CHST8: variants seen among roughly 807,000 people sequenced by gnomAD.
CHST8 encodes carbohydrate sulfotransferase 8, also known as GALNAC-4-ST1.
In CHST8, 10 loss-of-function variants were observed where a neutral mutation model predicts 15.0. That is an observed-to-expected ratio of 0.67 (90% confidence interval 0.41 to 1.13). CHST8 has a LOEUF of 1.13. CHST8 is among the 50% of genes most tolerant of loss of function. The probability of loss-of-function intolerance (pLI) is 0.00; values close to 1 mark genes in which losing one functional copy is unlikely to be tolerated. For synonymous variants in CHST8, 259 were observed against 256.6 expected, an observed-to-expected ratio of 1.01 and a Z score of -0.09; for missense variants, 634 against 608.2, an observed-to-expected ratio of 1.04 and a Z score of -0.45.
Position 33,731,158 on chromosome 19 carries a change from A to G in CHST8, c.131-40255A>G, listed in dbSNP as rs371738959. The stretch of plus-strand genomic sequence containing the variant: ...CATCCTTCAATCCAATCAAGTTGAC[A>G]CTCAATAGTAATCATCACAGCAAGT... On this transcript the variant is annotated intron_variant, in intron 3 of 4. Coordinates refer to ENST00000650847, the MANE Select transcript of CHST8 (RefSeq NM_001127895.2). 3.9e-4 allele frequency among the ~76,000 whole-genome samples: 59 copies of G among 152,360 alleles called. 1 individual carries two copies. Among genetic ancestry groups the G allele is most frequent in the African/African-American group, 1.4e-3 (57 of 41,584 alleles).
chr19:33,759,569 G>T (rs775147686), intron 3 of CHST8, among the ~76,000 whole-genome samples: 2 of 152,176 alleles, frequency 1.3e-5, no homozygotes, highest in Non-Finnish European at 2.9e-5. Flanking sequence ...GCCACAGGTG[G>T]CTGAATGAGC....
intron 3 of CHST8, among the ~76,000 whole-genome samples, chr19:33,701,177 C>T (rs1018631823): frequency 5.9e-5 from 9 of 152,072 alleles, no homozygotes; most frequent in Non-Finnish European, 1.3e-4. Context: ...CAGTTCAAGC[C>T]TCTCTCACCT....
At position 33,689,288 on chromosome 19, in the gene CHST8, G is replaced by A. The variant is rs62103464; in HGVS notation, c.27G>A (p.Arg9=). 8.3e-3 allele frequency: 13,313 copies of A among 1,605,692 alleles called. 85 individuals carry two copies. Among genetic ancestry groups the A allele is most frequent in the Middle Eastern group, 0.013 (78 of 6,032 alleles). MTLRPGTM[R]LACMFSSILL... ...TGACCCTGCGACCTGGAACAATGCG[G>A]CTGGCCTGCATGTTCTCTTCCATCC... The change falls in exon 3 of 5, where the codon CGG becomes CGA. Residue 9 remains arginine, a synonymous_variant. Coordinates refer to ENST00000650847, the MANE Select transcript of CHST8 (RefSeq NM_001127895.2).
In CHST8 at chr19:33,738,782, G is replaced by A. The variant is rs1039635667; in HGVS notation, c.131-32631G>A. Among the ~76,000 whole-genome samples, 6 of 152,224 alleles carry A rather than the reference G, an allele frequency of 3.9e-5. 1 individual carries two copies. Among genetic ancestry groups the A allele is most frequent in the African/African-American group, 1.4e-4 (6 of 41,528 alleles). On this transcript the variant is annotated intron_variant, in intron 3 of 4. Transcript: ENST00000650847. The stretch of plus-strand genomic sequence containing the variant: ...TTTTTGTACTTTTAGTAGAGATGAG[G>A]TTTCACCATGTTGGCCAGGCTGGTC...
intron 1 of CHST8, among the ~76,000 whole-genome samples, chr19:33,625,279 C>T (rs1260542740): frequency 3.3e-5 from 5 of 151,950 alleles, no homozygotes; most frequent in Non-Finnish European, 7.4e-5. Flanking sequence ...GACAGGGTTT[C>T]ACCATATTGG....
At chr19:33,743,429 G>C (rs1974241117) in intron 3 of CHST8, among the ~76,000 whole-genome samples, 1 of 151,380 alleles carries the variant, frequency 6.6e-6, no homozygotes, top group South Asian at 2.1e-4. Flanking sequence ...AGCCTCCCGA[G>C]TAGCTGGGAC....
At chr19:33,687,140 C>T (rs1414938734) in intron 2 of CHST8, among the ~76,000 whole-genome samples, 1 of 152,258 alleles carries the variant, frequency 6.6e-6, no homozygotes, top group Non-Finnish European at 1.5e-5. Flanking sequence ...TTGGGGCTGG[C>T]CCCGGTGGGG....
At chr19:33,752,125 G>T (rs538631798) in intron 3 of CHST8, among the ~76,000 whole-genome samples, 2 of 152,240 alleles carry the variant, frequency 1.3e-5, no homozygotes, top group East Asian at 1.9e-4. Context: ...TCCGCCTAGC[G>T]GGTATTGGAC....
At chr19:33,719,083 T>C (rs2145306240) in intron 3 of CHST8, among the ~76,000 whole-genome samples, 1 of 152,254 alleles carries the variant, frequency 6.6e-6, no homozygotes, top group South Asian at 2.1e-4. Flanking sequence ...CTGCCAGTGA[T>C]GTCATAGGTG....
chr19:33,755,913 G>A (rs1974535839), intron 3 of CHST8, among the ~76,000 whole-genome samples: 3 of 152,222 alleles, frequency 2.0e-5, no homozygotes, highest in Admixed American at 1.3e-4. Context: ...CTTTGGTGGA[G>A]ATGTGCAGGC....
intron 2 of CHST8, chr19:33,685,035 G>A (rs1972952218): frequency 6.6e-6 from 1 of 152,228 alleles, no homozygotes; most frequent in Non-Finnish European, 1.5e-5. Flanking sequence ...TGACCACGTG[G>A]GTGCACCCAT....
Position 33,632,125 on chromosome 19 carries a change from GTCTC to G in CHST8, c.-164+9841_-164+9844del, listed in dbSNP as rs200630323. Among the ~76,000 whole-genome samples the G allele has an allele frequency of 9.4e-5, 14 of 148,602 alleles. No homozygotes were observed. The East Asian group carries it at 1.2e-3, about 13-fold the overall frequency. ...CTCAAGTTCTGCTTTTTCTTTTCTTGTCTCTCTCTCTCTCTTTTTTTTTTTTTTT... is the reference window on the plus strand; with the variant it reads ...CTCAAGTTCTGCTTTTTCTTTTCTTGTCTCTCTCTCTTTTTTTTTTTTTTT... On this transcript the variant is annotated intron_variant, in intron 1 of 4. Transcript: ENST00000650847.
intron 3 of CHST8, among the ~76,000 whole-genome samples, chr19:33,744,060 G>A (rs1974261103): frequency 1.3e-5 from 2 of 152,150 alleles, no homozygotes; most frequent in South Asian, 4.1e-4. Flanking sequence ...CAAAGTGCTG[G>A]GATTACAGGC....
chr19:33,627,098 T>TG (rs71181368), intron 1 of CHST8, among the ~76,000 whole-genome samples: 15,351 of 68,066 alleles, frequency 0.23, 1,413 homozygotes, highest in Non-Finnish European at 0.31. Context: ...CCTCTTTTTT[T>TG]GGGGGGGGGG....
rs1165946452 is a variant in CHST8, at chr19:33,637,592, C to T, written c.-164+15296C>T. 6.0e-5 allele frequency among the ~76,000 whole-genome samples: 9 copies of T among 150,566 alleles called. No homozygotes were observed. The East Asian group carries it at 1.4e-3, about 24-fold the overall frequency. On this transcript the variant is annotated intron_variant, in intron 1 of 4. Transcript: ENST00000650847. Reference sequence around the variant, plus strand: ...TAATTTTTGGTATTTTTAGTAGAGACGATGTTTCACCCTGTTAGCCAGGAT... The same window carrying T: ...TAATTTTTGGTATTTTTAGTAGAGATGATGTTTCACCCTGTTAGCCAGGAT...
At chr19:33,672,150 T>C (rs1972746160) in intron 2 of CHST8, among the ~76,000 whole-genome samples, 1 of 152,202 alleles carries the variant, frequency 6.6e-6, no homozygotes, top group Non-Finnish European at 1.5e-5. Context: ...ATGGTTTATA[T>C]AAGTGGTGGA....
intron 3 of CHST8, among the ~76,000 whole-genome samples, chr19:33,739,857 T>A (rs1159058285): frequency 6.6e-6 from 1 of 152,166 alleles, no homozygotes; most frequent in African/African-American, 2.4e-5. Context: ...TGAGGTCTGC[T>A]GAAAAGGAAG....
At chr19:33,665,235 A>G (rs1255069215) in intron 1 of CHST8, among the ~76,000 whole-genome samples, 1 of 152,168 alleles carries the variant, frequency 6.6e-6, no homozygotes, top group Non-Finnish European at 1.5e-5. Context: ...CCCTTTCTCC[A>G]TATCCTTACT....
chr19:33,729,904 G>A (rs895941097), intron 3 of CHST8, among the ~76,000 whole-genome samples: 1 of 152,146 alleles, frequency 6.6e-6, no homozygotes, highest in African/African-American at 2.4e-5. Context: ...TCTTCTGTGG[G>A]GTCTTCAAAC....
Sources: gnomAD v4.1 joint callset for allele counts (sites outside exome capture counted in the v4.1 genomes callset) on GRCh38, gnomAD v4.1.1 for gene constraint, MANE v1.5 for transcripts, NCBI Gene and HGNC (gene_info 2026-07-23, HGNC 2026-07-21) for gene names.